AIF1: variants seen among roughly 807,000 people sequenced by gnomAD.
AIF1 encodes interferon gamma responsive transcript.
Under a neutral mutation model 20.6 loss-of-function variants are expected in AIF1, and 21 were observed. The ratio of observed to expected loss-of-function variants is 1.02; its 90% CI spans 0.72 to 1.47. The LOEUF (loss-of-function observed/expected upper bound fraction) is 1.47. AIF1 is among the 40% of genes most tolerant of loss of function. The pLI is 0.00. For synonymous variants in AIF1, 52 were observed against 65.8 expected, an observed-to-expected ratio of 0.79 and a Z score of 1.01; for missense variants, 161 against 170.5, an observed-to-expected ratio of 0.94 and a Z score of 0.31.
chr6:31,615,718 A>G lies in AIF1; in HGVS notation c.136A>G (p.Lys46Glu), dbSNP rs372824730. 6.9e-5 allele frequency: 111 copies of G among 1,610,850 alleles called. No homozygotes were observed. In the East Asian group the frequency reaches 2.2e-3, roughly 32 times the overall value. ...KYSSDEDLPS[K>E]LEGFKEKYME... is the part of the protein sequence containing the mutation. ...TAGCAGTGATGAGGATCTGCCCTCC[A>G]AACTGGAAGGCTTCAAAGGTGAGGG... The change falls in exon 3 of 6, where the codon AAA (lysine) becomes GAA (glutamate). Residue 46 changes from lysine to glutamate, a missense_variant. Coordinates refer to ENST00000376059, the MANE Select transcript of AIF1 (RefSeq NM_001623.5).
Position 31,616,363 on chromosome 6 carries a change from A to C in AIF1, c.216A>C (p.Arg72=), listed in dbSNP as rs1774365837. ...CCCCAGATATCATGTCCCTGAAACG[A>C]ATGCTGGAGAAACTTGGAGTCCCCA... The part of the protein sequence containing the change: ...NGDIDIMSLK[R]MLEKLGVPKT... Residue 72 remains arginine (R), a synonymous_variant, in exon 5 of 6, where the codon CGA becomes CGC. Transcript: ENST00000376059. The surrounding 1 kb of genome is among the most constrained non-coding windows in gnomAD (Gnocchi z 4.0). The C allele has an allele frequency of 1.2e-6, 2 of 1,612,774 alleles. No homozygotes were observed. Among genetic ancestry groups the C allele is most frequent in the Admixed American group, 3.3e-5 (2 of 59,978 alleles).
Position 31,615,277 on chromosome 6 carries a change from C to CA in AIF1, c.-52dup. 1 of 1,613,448 alleles carries CA rather than the reference C, an allele frequency of 6.2e-7. No homozygotes were observed. The highest frequency in any genetic ancestry group is 1.3e-5 in the African/African-American group (1 of 74,932). ...GTGGGAGAGAAGGAGAGCCTGCAGA[C>CA]AGAGGCCTCCAGCTTGGTCTGTCTC... On this transcript the variant is annotated 5_prime_UTR_variant, in exon 1 of 6. Coordinates refer to ENST00000376059, the MANE Select transcript of AIF1 (RefSeq NM_001623.5).
In AIF1 at chr6:31,616,239, G is replaced by A; in HGVS notation, c.196+94G>A. On this transcript the variant is annotated intron_variant, in intron 4 of 5. Transcript: ENST00000376059. The surrounding 1 kb of genome is among the most constrained non-coding windows in gnomAD (Gnocchi z 4.0). The stretch of plus-strand genomic sequence containing the variant: ...TGCTCCATTCCTCATGATTTGGGAG[G>A]GGGCCCACCTACCACAGTGGGAGGA... 1 of 1,613,092 alleles carries A rather than the reference G, an allele frequency of 6.2e-7. No homozygotes were observed. The highest frequency in any genetic ancestry group is 1.3e-5 in the African/African-American group (1 of 75,014).
In AIF1 at chr6:31,616,376, C is replaced by T; in HGVS notation, c.229C>T (p.Leu77Phe). ...GTCCCTGAAACGAATGCTGGAGAAA[C>T]TTGGAGTCCCCAAGACTCACCTAGA... ...IMSLKRMLEK[L>F]GVPKTHLELK... is the part of the protein sequence containing the mutation. Residue 77 changes from leucine to phenylalanine, a missense_variant, in exon 5 of 6, where the codon CTT (leucine) becomes TTT (phenylalanine). Leu to Phe is a conservative substitution (Grantham distance 22). Coordinates refer to ENST00000376059, the MANE Select transcript of AIF1 (RefSeq NM_001623.5). The surrounding 1 kb of genome is among the most constrained non-coding windows in gnomAD (Gnocchi z 4.0). 1.2e-6 allele frequency: 2 copies of T among 1,612,948 alleles called. No homozygotes were observed. The highest frequency in any genetic ancestry group is 2.7e-5 in the African/African-American group (2 of 74,986).
intron 3 of AIF1, 168 bp from the exon 4 acceptor site, chr6:31,615,936 A>C (rs1774306109): frequency 6.8e-7 from 1 of 1,473,044 alleles, no homozygotes; most frequent in African/African-American, 1.4e-5. Flanking sequence ...AGCTCCTTAC[A>C]CCCTAGCGGG....
At chr6:31,615,964 C>G (rs1257905409) in intron 3 of AIF1, 140 bp from the exon 4 acceptor site, 1 of 1,502,016 alleles carries the variant, frequency 6.7e-7, no homozygotes, top group Non-Finnish European at 8.9e-7. Flanking sequence ...AACTCCCCAA[C>G]CCCACTTCCT....
At position 31,616,113 on chromosome 6, in the gene AIF1, T is replaced by C; in HGVS notation, c.164T>C (p.Met55Thr). The change falls in exon 4 of 6, where the codon ATG (methionine) becomes ACG (threonine). Residue 55 changes from methionine (M) to threonine (T), a missense_variant. Transcript: ENST00000376059. The surrounding 1 kb of genome is among the most constrained non-coding windows in gnomAD (Gnocchi z 4.0). ...SKLEGFKEKY[M>T]EFDLNGNGDI... Reference sequence around the variant, plus strand: ...CTCTCCCCTCACCCAGAGAAATACATGGAGTTTGACCTTAATGGAAATGGC... The same window carrying C: ...CTCTCCCCTCACCCAGAGAAATACACGGAGTTTGACCTTAATGGAAATGGC... 1 of 1,590,160 alleles carries C rather than the reference T, an allele frequency of 6.3e-7. No individual in the cohort carries two copies. The highest frequency in any genetic ancestry group is 8.6e-7 in the Non-Finnish European group (1 of 1,166,718).
chr6:31,616,532 T>C lies in AIF1; in HGVS notation c.359+26T>C. 1 of 1,575,152 alleles carries C rather than the reference T, an allele frequency of 6.3e-7. No individual in the cohort carries two copies. The highest frequency in any genetic ancestry group is 1.2e-5 in the South Asian group (1 of 84,952). On this transcript the variant is annotated intron_variant, in intron 5 of 5. Transcript: ENST00000376059. This position sits in a 1 kb window ranked among gnomAD's most constrained non-coding sequence, Gnocchi z 4.0. ...GTGAGTGTCAATTTCCAACCTCCCC[T>C]GTACTTACCTGTTTTCTCCTCCCCC...
Position 31,616,551 on chromosome 6 carries a change from C to G in AIF1, c.359+45C>G, listed in dbSNP as rs1381683420. On this transcript the variant is annotated intron_variant, in intron 5 of 5. Transcript: ENST00000376059. This position sits in a 1 kb window ranked among gnomAD's most constrained non-coding sequence, Gnocchi z 4.0. ...CTCCCCTGTACTTACCTGTTTTCTCCTCCCCCATCCCTACCCTTGTCCACA... is the reference window on the plus strand; with the variant it reads ...CTCCCCTGTACTTACCTGTTTTCTCGTCCCCCATCCCTACCCTTGTCCACA... 1 of 1,558,040 alleles carries G rather than the reference C, an allele frequency of 6.4e-7. No individual in the cohort carries two copies. The highest frequency in any genetic ancestry group is 8.7e-7 in the Non-Finnish European group (1 of 1,152,846).
In AIF1 at chr6:31,616,490, T is replaced by A. The variant is rs1188591854; in HGVS notation, c.343T>A (p.Ser115Thr). ...DFLRMMLGKR[S>T]AILKMILMYE... ...TCTCAGGATGATGCTGGGCAAGAGATCTGCCATCCTAAAAATGTGAGTGTC... is the reference window on the plus strand; with the variant it reads ...TCTCAGGATGATGCTGGGCAAGAGAACTGCCATCCTAAAAATGTGAGTGTC... The change falls in exon 5 of 6, where the codon TCT becomes ACT. Residue 115 changes from serine to threonine, a missense_variant. Transcript: ENST00000376059. This position sits in a 1 kb window ranked among gnomAD's most constrained non-coding sequence, Gnocchi z 4.0. 3.1e-6 allele frequency: 5 copies of A among 1,608,114 alleles called. No homozygotes were observed. In the Admixed American group the frequency reaches 8.4e-5, roughly 27 times the overall value.
In AIF1 at chr6:31,616,782, C is replaced by T. The variant is rs771363300; in HGVS notation, c.360-34C>T. The T allele has an allele frequency of 2.5e-5, 40 of 1,613,772 alleles. No individual in the cohort carries two copies. Among genetic ancestry groups the T allele is most frequent in the Non-Finnish European group, 3.4e-5 (40 of 1,179,902 alleles). ...GATTTATTCCCTTGAGAGGAGTGTT[C>T]CCTGATCCCTGTGCCTCTTCCCATC... On this transcript the variant is annotated intron_variant, in intron 5 of 5. Transcript: ENST00000376059. The surrounding 1 kb of genome is among the most constrained non-coding windows in gnomAD (Gnocchi z 4.0).
At position 31,616,511 on chromosome 6, in the gene AIF1, G is replaced by C; in HGVS notation, c.359+5G>C. ...GAGATCTGCCATCCTAAAAATGTGA[G>C]TGTCAATTTCCAACCTCCCCTGTAC... On this transcript the variant is annotated splice_donor_5th_base_variant and intron_variant, in intron 5 of 5. Coordinates refer to ENST00000376059, the MANE Select transcript of AIF1 (RefSeq NM_001623.5). This position sits in a 1 kb window ranked among gnomAD's most constrained non-coding sequence, Gnocchi z 4.0. 1 of 1,601,796 alleles carries C rather than the reference G, an allele frequency of 6.2e-7. No homozygotes were observed. The highest frequency in any genetic ancestry group is 8.5e-7 in the Non-Finnish European group (1 of 1,173,594).
At position 31,616,669 on chromosome 6, in the gene AIF1, G is replaced by A; in HGVS notation, c.360-147G>A. 1.3e-6 allele frequency: 2 copies of A among 1,500,850 alleles called. No homozygotes were observed. Among genetic ancestry groups the A allele is most frequent in the Non-Finnish European group, 1.8e-6 (2 of 1,122,768 alleles). The allele number at this position is 1,500,850 out of a possible 1,614,324, so 93.0% of individuals were successfully genotyped here. A position where few individuals can be genotyped will look rare whatever the true frequency, so the allele number is the denominator to read the frequency against. On this transcript the variant is annotated intron_variant, in intron 5 of 5. Coordinates refer to ENST00000376059, the MANE Select transcript of AIF1 (RefSeq NM_001623.5). This position sits in a 1 kb window ranked among gnomAD's most constrained non-coding sequence, Gnocchi z 4.0. ...CGACCCCATCCCTATCCATAGTCCT[G>A]GTCCCCAGAAACTCCAACCCCTGCC...
At position 31,616,916 on chromosome 6, in the gene AIF1, G is replaced by A. The variant is rs764342337; in HGVS notation, c.*16G>A. The A allele has an allele frequency of 6.2e-7, 1 of 1,614,172 alleles. No homozygotes were observed. The highest frequency in any genetic ancestry group is 8.5e-7 in the Non-Finnish European group (1 of 1,180,016). On this transcript the variant is annotated 3_prime_UTR_variant, in exon 6 of 6. Transcript: ENST00000376059. The surrounding 1 kb of genome is among the most constrained non-coding windows in gnomAD (Gnocchi z 4.0). ...GTTGCCCTGATTTGAAGGGAAAAGGGATGATGGGATTGAAGGGGCTTCTAA... is the reference window on the plus strand; with the variant it reads ...GTTGCCCTGATTTGAAGGGAAAAGGAATGATGGGATTGAAGGGGCTTCTAA...
At position 31,616,318 on chromosome 6, in the gene AIF1, T is replaced by C. The variant is rs750948345; in HGVS notation, c.197-26T>C. The C allele has an allele frequency of 6.2e-7, 1 of 1,612,772 alleles. No homozygotes were observed. The highest frequency in any genetic ancestry group is 1.1e-5 in the South Asian group (1 of 91,068). On this transcript the variant is annotated intron_variant, in intron 4 of 5. Transcript: ENST00000376059. This position sits in a 1 kb window ranked among gnomAD's most constrained non-coding sequence, Gnocchi z 4.0. ...GGAGAGAGAGGGTCTCCCCACCTTC[T>C]CCCCATCCCCATCCTCTGCCCCCAG...
intron 3 of AIF1, 160 bp from the exon 4 acceptor site, chr6:31,615,944 G>A (rs368956167): frequency 7.4e-5 from 110 of 1,481,298 alleles, no homozygotes; most frequent in South Asian, 8.4e-5. Flanking sequence ...ACACCCTAGC[G>A]GGGCCCCTCA....
Position 31,616,506 on chromosome 6 carries a change from TG to T in AIF1, c.359+1del. 6.2e-7 allele frequency: 1 copy of T among 1,603,868 alleles called. No homozygotes were observed. The highest frequency in any genetic ancestry group is 8.5e-7 in the Non-Finnish European group (1 of 1,174,704). On this transcript the variant is annotated splice_donor_variant, in intron 5 of 5. Transcript: ENST00000376059. LOFTEE classifies it high-confidence loss of function. The surrounding 1 kb of genome is among the most constrained non-coding windows in gnomAD (Gnocchi z 4.0). Reference sequence around the variant, plus strand: ...GGCAAGAGATCTGCCATCCTAAAAATGTGAGTGTCAATTTCCAACCTCCCCT... The same window carrying T: ...GGCAAGAGATCTGCCATCCTAAAAATTGAGTGTCAATTTCCAACCTCCCCT...
In AIF1 at chr6:31,616,558, ATCC is replaced by A; in HGVS notation, c.359+53_359+55del. ...GTACTTACCTGTTTTCTCCTCCCCC[ATCC>A]CTACCCTTGTCCACAGGCTCAACAT... On this transcript the variant is annotated intron_variant, in intron 5 of 5. Transcript: ENST00000376059. The surrounding 1 kb of genome is among the most constrained non-coding windows in gnomAD (Gnocchi z 4.0). 6.4e-7 allele frequency: 1 copy of A among 1,550,550 alleles called. No individual in the cohort carries two copies. Among genetic ancestry groups the A allele is most frequent in the Non-Finnish European group, 8.7e-7 (1 of 1,149,792 alleles).
Position 31,615,274 on chromosome 6 carries a change from A to T in AIF1, c.-56A>T. On this transcript the variant is annotated 5_prime_UTR_variant, in exon 1 of 6. Coordinates refer to ENST00000376059, the MANE Select transcript of AIF1 (RefSeq NM_001623.5). ...CTGGTGGGAGAGAAGGAGAGCCTGC[A>T]GACAGAGGCCTCCAGCTTGGTCTGT... The T allele has an allele frequency of 6.2e-7, 1 of 1,612,186 alleles. No individual in the cohort carries two copies. The highest frequency in any genetic ancestry group is 8.5e-7 in the Non-Finnish European group (1 of 1,179,036).
Sources: allele counts gnomAD v4.1 joint callset, GRCh38; gene constraint gnomAD v4.1.1; non-coding constraint Gnocchi (gnomAD v3.1); transcripts MANE v1.5; gene names NCBI Gene and HGNC (gene_info 2026-07-23, HGNC 2026-07-21).